Variants in STK3 observed in about 807,000 individuals in gnomAD.
STK3 encodes the protein serine/threonine-protein kinase 3.
In STK3, 41 loss-of-function variants were observed where a neutral mutation model predicts 58.0. The ratio of observed to expected loss-of-function variants is 0.71; its 90% CI spans 0.55 to 0.92. The LOEUF (loss-of-function observed/expected upper bound fraction) is 0.92, where lower values mean the gene tolerates loss of function less well. Ranked by LOEUF, STK3 falls within the 40% of genes least tolerant of loss-of-function variation. The pLI is 0.00. For synonymous variants in STK3, 170 were observed against 191.0 expected, an observed-to-expected ratio of 0.89 and a Z score of 0.91; for missense variants, 479 against 602.7, an observed-to-expected ratio of 0.79 and a Z score of 2.15.
chr8:98,656,902 A>G (rs943512653), intron 6 of STK3, among the ~76,000 whole-genome samples: 1 of 152,116 alleles, frequency 6.6e-6, no homozygotes, highest in South Asian at 2.1e-4. Context: ...ATATCTAAAC[A>G]TATCTTTACT....
At chr8:98,857,056 CA>C (rs1038601199) in intron 3 of STK3, among the ~76,000 whole-genome samples, 1 of 152,062 alleles carries the variant, frequency 6.6e-6, no homozygotes, top group African/African-American at 2.4e-5. Context: ...CAGGGGAGGA[CA>C]GGGGGAAGAC....
chr8:98,416,656 G>A (rs1186553727), intron 3 of STK3, among the ~76,000 whole-genome samples: 1 of 152,038 alleles, frequency 6.6e-6, no homozygotes, highest in Non-Finnish European at 1.5e-5. Flanking sequence ...AAAATACCTA[G>A]AGCCTCCGTC....
At chr8:98,629,768 G>A (rs961410325) in intron 6 of STK3, among the ~76,000 whole-genome samples, 2 of 152,164 alleles carry the variant, frequency 1.3e-5, no homozygotes, top group African/African-American at 4.8e-5. Context: ...TGACCCAGGA[G>A]AGACTGCCCC....
chr8:98,554,839 A>G (rs554152142), intron 8 of STK3, among the ~76,000 whole-genome samples: 1 of 152,166 alleles, frequency 6.6e-6, no homozygotes, highest in Non-Finnish European at 1.5e-5. Flanking sequence ...GATTAGTATT[A>G]TAATTTCATT....
chr8:98,709,860 C>T (rs1038663998), intron 4 of STK3, among the ~76,000 whole-genome samples: 2 of 152,026 alleles, frequency 1.3e-5, no homozygotes, highest in African/African-American at 4.8e-5. Flanking sequence ...GAAAGCTTTT[C>T]CACAAAGATC....
intron 6 of STK3, among the ~76,000 whole-genome samples, chr8:98,627,813 A>AT (rs1195521672): frequency 6.6e-6 from 1 of 152,198 alleles, no homozygotes; most frequent in Non-Finnish European, 1.5e-5. Context: ...AATTTTATAG[A>AT]TTTAGCTGTT....
At chr8:98,438,594 C>T (rs1818575265) in intron 1 of STK3, 1 of 152,474 alleles carries the variant, frequency 6.6e-6, no homozygotes, top group Non-Finnish European at 1.5e-5. Flanking sequence ...GGTGAAACGG[C>T]CCCTCAGACA....
chr8:98,698,600 T>G (rs190367350), intron 6 of STK3, among the ~76,000 whole-genome samples: 434 of 152,328 alleles, frequency 2.8e-3, no homozygotes, highest in Non-Finnish European at 4.9e-3. Flanking sequence ...CTGCAAAGTA[T>G]TTTATTTCTC....
intron 3 of STK3, among the ~76,000 whole-genome samples, chr8:98,836,115 C>A (rs1479391659): frequency 1.3e-5 from 2 of 151,988 alleles, no homozygotes; most frequent in African/African-American, 4.8e-5. Context: ...GCAGGAGAAT[C>A]ACTTGAACCC....
At chr8:98,829,962 C>T (rs201180793), upstream of STK3, among the ~76,000 whole-genome samples, 4 of 151,602 alleles carry the variant, frequency 2.6e-5, no homozygotes, top group East Asian at 3.9e-4. Context: ...CGTGGTGGCT[C>T]ATGCCTATAA....
chr8:98,822,846 T>C (rs1834995311), intron 1 of STK3, among the ~76,000 whole-genome samples: 1 of 152,152 alleles, frequency 6.6e-6, no homozygotes, highest in Admixed American at 6.5e-5. Context: ...CTGGCCAACA[T>C]GGCGAAACGT....
chr8:98,636,803 T>C (rs888705724), intron 6 of STK3, among the ~76,000 whole-genome samples: 3 of 152,176 alleles, frequency 2.0e-5, no homozygotes, highest in African/African-American at 7.2e-5. Context: ...AATTTAAATA[T>C]GTCAGCTCTT....
chr8:98,772,003 C>A (rs1039390407), intron 2 of STK3, among the ~76,000 whole-genome samples: 1 of 152,010 alleles, frequency 6.6e-6, no homozygotes, highest in Admixed American at 6.6e-5. Context: ...TAAGTAAGCA[C>A]TAAGTTTATT....
chr8:98,704,003 T>C (rs181129532), intron 6 of STK3, among the ~76,000 whole-genome samples: 14 of 152,282 alleles, frequency 9.2e-5, no homozygotes, highest in African/African-American at 3.4e-4. Context: ...ATTGACAAAA[T>C]GGAAAATATG....
chr8:98,719,008 A>G (rs1439461597), intron 4 of STK3, among the ~76,000 whole-genome samples: 2 of 152,164 alleles, frequency 1.3e-5, no homozygotes, highest in Non-Finnish European at 2.9e-5. Flanking sequence ...TAATGAATGA[A>G]TGGGTACAGA....
intron 1 of STK3, among the ~76,000 whole-genome samples, chr8:98,935,262 T>G (rs1840155528): frequency 6.6e-6 from 1 of 152,238 alleles, no homozygotes; most frequent in Admixed American, 6.5e-5. Flanking sequence ...TGGCTTGAAG[T>G]TGGTGAAAAC....
chr8:98,752,435 T>A (rs566696569), intron 3 of STK3, among the ~76,000 whole-genome samples: 1 of 152,198 alleles, frequency 6.6e-6, no homozygotes, highest in Admixed American at 6.5e-5. Flanking sequence ...TCCCTTATTA[T>A]CATGTTCAAA....
intron 6 of STK3, among the ~76,000 whole-genome samples, chr8:98,648,128 C>T (rs938458123): frequency 6.6e-6 from 1 of 152,188 alleles, no homozygotes; most frequent in East Asian, 1.9e-4. Flanking sequence ...TCACTCCATA[C>T]CTTCTTCTCC....
intron 10 of STK3, among the ~76,000 whole-genome samples, chr8:98,489,688 C>T (rs1822545449): frequency 6.6e-6 from 1 of 152,100 alleles, no homozygotes; most frequent in South Asian, 2.1e-4. Context: ...ATAATAGATG[C>T]TATTGAATAT....
Sources: allele counts gnomAD v4.1 joint callset (sites outside exome capture counted in the v4.1 genomes callset), GRCh38; gene constraint gnomAD v4.1.1; transcripts MANE v1.5; gene names NCBI Gene and HGNC (gene_info 2026-07-23, HGNC 2026-07-21).